Variants in GYPC observed in about 807,000 individuals in gnomAD.
GYPC encodes the protein glycophorin-C.
In GYPC, 14 loss-of-function variants were observed where a neutral mutation model predicts 12.6. The ratio of observed to expected loss-of-function variants is 1.11; its 90% CI spans 0.74 to 1.74. GYPC has a LOEUF of 1.74. GYPC is among the 40% of genes most tolerant of loss of function. GYPC has a pLI of 0.00. For missense variants in GYPC, 225 were observed against 172.1 expected (o/e 1.31, Z -1.72); for synonymous variants, 78 against 62.1 (o/e 1.26, Z -1.20).
chr2:126,681,586 G>A (rs145336272), intron 1 of GYPC, among the ~76,000 whole-genome samples: 2 of 152,174 alleles, frequency 1.3e-5, no homozygotes, highest in African/African-American at 2.4e-5. Context: ...ATCCCACTTT[G>A]ACATATCGAC....
In GYPC at chr2:126,681,722, T is replaced by C. The variant is rs1683153254; in HGVS notation, c.50-8533T>C. ...CATGTGAAGAAACCATGGTTTGCAG[T>C]GAGCCAAGATTGCGCCATTGCACTC... On this transcript the variant is annotated intron_variant, in intron 1 of 3. Transcript: ENST00000259254. Among the ~76,000 whole-genome samples the C allele has an allele frequency of 3.4e-5, 5 of 146,584 alleles. No homozygotes were observed. The South Asian group carries it at 1.1e-3, about 31-fold the overall frequency.
chr2:126,696,490 G>A lies in GYPC; in HGVS notation c.*348G>A. The A allele has an allele frequency of 2.7e-6, 1 of 363,902 alleles. No individual in the cohort carries two copies. The highest frequency in any genetic ancestry group is 5.3e-6 in the Non-Finnish European group (1 of 188,588). 22.5% of individuals were successfully genotyped at this position (363,902 alleles called of 1,614,324 possible). On this transcript the variant is annotated 3_prime_UTR_variant, in exon 4 of 4. Coordinates refer to ENST00000259254, the MANE Select transcript of GYPC (RefSeq NM_002101.5). ...CTTGTTGAGGGTGAGGGGGTGCTGG[G>A]GTACCCGGGGGCTGGGGAAGCAAGG...
At chr2:126,686,447 A>AT in intron 1 of GYPC, 3 of 985,532 alleles carry the variant, frequency 3.0e-6, no homozygotes, top group Non-Finnish European at 3.6e-6. Flanking sequence ...GACTGTAGCC[A>AT]ATGGCAAATC....
In GYPC at chr2:126,696,300, G is replaced by GGGCCCCATGTGCCC; in HGVS notation, c.*158_*159insGGCCCCATGTGCCC. ...TGGAAACACTAGGTGCCTGCCCAGG[G>GGGCCCCATGTGCCC]AGGAACGGAGGAGGACTCGCGCTAC... On this transcript the variant is annotated 3_prime_UTR_variant, in exon 4 of 4. Transcript: ENST00000259254. 1 of 690,366 alleles carries GGGCCCCATGTGCCC rather than the reference G, an allele frequency of 1.4e-6. No homozygotes were observed. 42.8% of individuals were successfully genotyped at this position (690,366 alleles called of 1,614,324 possible).
intron 1 of GYPC, among the ~76,000 whole-genome samples, chr2:126,682,545 C>T (rs774545511): frequency 2.0e-5 from 3 of 152,192 alleles, no homozygotes; most frequent in Non-Finnish European, 4.4e-5. Flanking sequence ...CAGATGGTAT[C>T]TCCCGCTTCT....
At chr2:126,659,205 G>A (rs529979533) in intron 1 of GYPC, among the ~76,000 whole-genome samples, 1 of 152,312 alleles carries the variant, frequency 6.6e-6, no homozygotes, top group East Asian at 1.9e-4. Context: ...GTAATTAAGT[G>A]AGACTGAGCA....
chr2:126,696,270 C>A lies in GYPC; in HGVS notation c.*128C>A. On this transcript the variant is annotated 3_prime_UTR_variant, in exon 4 of 4. Coordinates refer to ENST00000259254, the MANE Select transcript of GYPC (RefSeq NM_002101.5). Reference sequence around the variant, plus strand: ...GAGCACTTGATTCTTCCCGAGATAGCCACCTGGAAACACTAGGTGCCTGCC... The same window carrying A: ...GAGCACTTGATTCTTCCCGAGATAGACACCTGGAAACACTAGGTGCCTGCC... 3.9e-6 allele frequency: 3 copies of A among 775,636 alleles called. No individual in the cohort carries two copies. The highest frequency in any genetic ancestry group is 6.7e-6 in the Non-Finnish European group (3 of 446,818). 48.0% of individuals were successfully genotyped at this position (775,636 alleles called of 1,614,324 possible). A position where few individuals can be genotyped will look rare whatever the true frequency, so the allele number is the denominator to read the frequency against.
chr2:126,686,301 A>G, intron 1 of GYPC: 1 of 985,674 alleles, frequency 1.0e-6, no homozygotes, highest in Non-Finnish European at 1.2e-6. Flanking sequence ...AGCTGCACTC[A>G]AGCTGCCAAC....
chr2:126,663,966 CT>C (rs1682612684), intron 1 of GYPC, among the ~76,000 whole-genome samples: 3 of 65,968 alleles, frequency 4.5e-5, no homozygotes, highest in Non-Finnish European at 1.0e-4. Flanking sequence ...CTCTCTCTCT[CT>C]CTCTCTCTCT....
At position 126,694,022 on chromosome 2, in the gene GYPC, C is replaced by T. The variant is rs555137735; in HGVS notation, c.190+75C>T. On this transcript the variant is annotated intron_variant, in intron 3 of 3. Transcript: ENST00000259254. ...GTGAAAACATCCAGGGGAGAACTGACCTAAGGACTTGGGCAGTGGTGGCTG... is the reference window on the plus strand; with the variant it reads ...GTGAAAACATCCAGGGGAGAACTGATCTAAGGACTTGGGCAGTGGTGGCTG... 291 of 1,030,030 alleles carry T rather than the reference C, an allele frequency of 2.8e-4. 3 individuals are homozygous for T. In the South Asian group the frequency reaches 3.2e-3, roughly 11 times the overall value. 63.8% of individuals were successfully genotyped at this position (1,030,030 alleles called of 1,614,324 possible).
chr2:126,669,643 G>C (rs1682785212), intron 1 of GYPC, among the ~76,000 whole-genome samples: 1 of 152,172 alleles, frequency 6.6e-6, no homozygotes, highest in African/African-American at 2.4e-5. Context: ...CAATTTATTT[G>C]AGCGAAATGA....
chr2:126,692,071 T>G (rs1326253497), intron 2 of GYPC, among the ~76,000 whole-genome samples: 1 of 152,190 alleles, frequency 6.6e-6, no homozygotes, highest in Non-Finnish European at 1.5e-5. Flanking sequence ...GATACTAAAC[T>G]GGAGGCTGCA....
intron 1 of GYPC, chr2:126,658,027 T>A (rs1682418093): frequency 6.6e-6 from 1 of 152,412 alleles, no homozygotes. Context: ...CCTGCTCTGC[T>A]CAGCTCAGCT....
At chr2:126,682,593 C>T (rs181839872) in intron 1 of GYPC, among the ~76,000 whole-genome samples, 1 of 152,338 alleles carries the variant, frequency 6.6e-6, no homozygotes, top group East Asian at 1.9e-4. Flanking sequence ...ACTCTGTTCT[C>T]CTTCCACTTC....
rs563518845 is a variant in GYPC at position 126,676,196 on chromosome 2, T to C, written c.50-14059T>C. 8.5e-5 allele frequency among the ~76,000 whole-genome samples: 13 copies of C among 152,350 alleles called. No homozygotes were observed. In the South Asian group the frequency reaches 1.9e-3, roughly 22 times the overall value. ...CTTAAGCAAAGGTTTCTTGCCTTTA[T>C]CAAGGAAATTAGCACACCAGTCTGA... On this transcript the variant is annotated intron_variant, in intron 1 of 3. Coordinates refer to ENST00000259254, the MANE Select transcript of GYPC (RefSeq NM_002101.5).
intron 2 of GYPC, among the ~76,000 whole-genome samples, chr2:126,690,719 A>G (rs943653812): frequency 2.5e-4 from 38 of 151,950 alleles, no homozygotes; most frequent in South Asian, 1.5e-3. Flanking sequence ...ATCCCACATT[A>G]TTTTCTTCCC....
chr2:126,668,458 T>A (rs6761722), intron 1 of GYPC, among the ~76,000 whole-genome samples: 3 of 152,020 alleles, frequency 2.0e-5, no homozygotes, highest in African/African-American at 4.8e-5. Context: ...GGATCTCAGA[T>A]GATCCCTCCA....
chr2:126,695,257 C>T (rs528035954), intron 3 of GYPC, among the ~76,000 whole-genome samples: 3 of 152,166 alleles, frequency 2.0e-5, no homozygotes, highest in South Asian at 2.1e-4. Context: ...GGTTTTAGAA[C>T]GGAAAATCTC....
chr2:126,684,052 G>T (rs753723917), intron 1 of GYPC, among the ~76,000 whole-genome samples: 1 of 152,186 alleles, frequency 6.6e-6, no homozygotes, highest in Non-Finnish European at 1.5e-5. Context: ...GACCGGATAA[G>T]GGTTAGGAGG....
Sources: allele counts gnomAD v4.1 joint callset (sites outside exome capture counted in the v4.1 genomes callset), GRCh38; gene constraint gnomAD v4.1.1; transcripts MANE v1.5; gene names NCBI Gene and HGNC (gene_info 2026-07-23, HGNC 2026-07-21).